The following CSMD1 variants were observed in gnomAD, a reference collection of about 807,000 sequenced individuals.
CSMD1 encodes the protein CUB and Sushi multiple domains 1, also known as CUB and sushi domain-containing protein 1.
In CSMD1, 213 loss-of-function variants were observed where a neutral mutation model predicts 417.5. That is an observed-to-expected ratio of 0.51 (90% CI 0.46 to 0.57). The LOEUF (loss-of-function observed/expected upper bound fraction) is 0.57, where lower values mean the gene tolerates loss of function less well. Among genes scored for constraint, CSMD1 ranks in the 20% least tolerant of loss-of-function variants. CSMD1 has a pLI of 0.00. For synonymous variants in CSMD1, 2,862 were observed against 1,736.8 expected, an observed-to-expected ratio of 1.65 and a Z score of -16.11; for missense variants, 6,923 against 4,529.7, an observed-to-expected ratio of 1.53 and a Z score of -15.17.
At chr8:4,886,841 T>C (rs1008254633) in intron 1 of CSMD1, among the ~76,000 whole-genome samples, 1 of 152,116 alleles carries the variant, frequency 6.6e-6, no homozygotes, top group Non-Finnish European at 1.5e-5. Flanking sequence ...TCTTCTGTCA[T>C]TTCAGATTTA....
intron 50 of CSMD1, among the ~76,000 whole-genome samples, chr8:3,046,711 C>A (rs1175135135): frequency 1.3e-5 from 2 of 152,172 alleles, no homozygotes; most frequent in Non-Finnish European, 2.9e-5. Context: ...TCCAGGCAGC[C>A]TTCCCCGCAG....
chr8:3,404,292 ACCACTGCACTC>A (rs1443985762), intron 15 of CSMD1, among the ~76,000 whole-genome samples: 3 of 150,594 alleles, frequency 2.0e-5, no homozygotes, highest in African/African-American at 7.4e-5. Flanking sequence ...CTGAGATTGC[ACCACTGCACTC>A]CAGCCTGGGT....
chr8:4,316,699 T>C (rs905574941), intron 3 of CSMD1, among the ~76,000 whole-genome samples: 2 of 152,090 alleles, frequency 1.3e-5, no homozygotes, highest in East Asian at 3.9e-4. Flanking sequence ...GCTTCCTTTA[T>C]GTGTTTCAAA....
intron 1 of CSMD1, among the ~76,000 whole-genome samples, chr8:4,761,075 A>T (rs369169065): frequency 6.6e-6 from 1 of 152,130 alleles, no homozygotes; most frequent in African/African-American, 2.4e-5. Context: ...TAGCAGAAGT[A>T]TGTGTTTGTT....
At chr8:3,306,031 T>C (rs150105750) in intron 25 of CSMD1, among the ~76,000 whole-genome samples, 2,071 of 152,204 alleles carry the variant, frequency 0.014, 28 homozygotes, top group South Asian at 0.052. Flanking sequence ...CCTAAGATGT[T>C]TGCATTCTAG....
At chr8:3,953,151 A>T (rs1200332305) in intron 5 of CSMD1, among the ~76,000 whole-genome samples, 1 of 149,566 alleles carries the variant, frequency 6.7e-6, no homozygotes, top group Non-Finnish European at 1.5e-5. Flanking sequence ...TACCATTTAT[A>T]AAAAAAAATC....
At chr8:3,340,268 C>T (rs139474449) in intron 23 of CSMD1, among the ~76,000 whole-genome samples, 17 of 152,256 alleles carry the variant, frequency 1.1e-4, no homozygotes, top group Admixed American at 7.8e-4. Flanking sequence ...GTAGAAGGAG[C>T]TATTTCCCAA....
chr8:4,073,922 T>A (rs533506662), intron 3 of CSMD1, among the ~76,000 whole-genome samples: 1 of 152,142 alleles, frequency 6.6e-6, no homozygotes, highest in Non-Finnish European at 1.5e-5. Context: ...TCTTAATCTA[T>A]ACAGACGGTT....
intron 2 of CSMD1, among the ~76,000 whole-genome samples, chr8:4,549,253 C>T (rs936525180): frequency 4.6e-5 from 7 of 151,964 alleles, no homozygotes; most frequent in Non-Finnish European, 8.8e-5. Flanking sequence ...TTCCAGAATG[C>T]CAAAGAAATT....
chr8:3,458,092 C>A (rs867265481), intron 12 of CSMD1, among the ~76,000 whole-genome samples: 4 of 152,206 alleles, frequency 2.6e-5, no homozygotes, highest in African/African-American at 7.2e-5. Flanking sequence ...TTTGCTCTAA[C>A]GTGAGCCCCG....
chr8:3,121,259 G>C (rs1172200926), intron 41 of CSMD1, among the ~76,000 whole-genome samples: 1 of 151,988 alleles, frequency 6.6e-6, no homozygotes, highest in East Asian at 1.9e-4. Flanking sequence ...ATAGTCAGCA[G>C]GTTAAAAAAA....
At chr8:3,503,234 T>A (rs2117353424) in intron 10 of CSMD1, among the ~76,000 whole-genome samples, 1 of 152,332 alleles carries the variant, frequency 6.6e-6, no homozygotes, top group South Asian at 2.1e-4. Flanking sequence ...ATGTCATTAA[T>A]TCTGGGATAT....
rs527626511 is a variant in CSMD1, at chr8:4,730,794, C to T, written c.86-93236G>A. 2.6e-4 allele frequency among the ~76,000 whole-genome samples: 39 copies of T among 151,624 alleles called. No homozygotes were observed. In the South Asian group the frequency reaches 7.8e-3, roughly 30 times the overall value. On this transcript the variant is annotated intron_variant, in intron 1 of 69. Transcript: ENST00000635120. ...AAGGAAATGAATAAATGAATAGAGA[C>T]GGAGAAGTTGCTGATTTTCTTGGTT...
chr8:4,064,310 G>A (rs763832398), intron 3 of CSMD1, among the ~76,000 whole-genome samples: 1 of 152,108 alleles, frequency 6.6e-6, no homozygotes, highest in African/African-American at 2.4e-5. Flanking sequence ...ATGTTCCTGG[G>A]CTCCATATGG....
At chr8:4,495,855 G>C (rs191693747) in intron 2 of CSMD1, among the ~76,000 whole-genome samples, 53 of 152,206 alleles carry the variant, frequency 3.5e-4, no homozygotes, top group African/African-American at 1.2e-3. Flanking sequence ...ATTAATGTAA[G>C]TGGATTTCAT....
intron 2 of CSMD1, among the ~76,000 whole-genome samples, chr8:4,561,722 G>C (rs1374347146): frequency 2.0e-5 from 3 of 152,106 alleles, no homozygotes; most frequent in Non-Finnish European, 4.4e-5. Flanking sequence ...GAAAGTAAAA[G>C]AAAAAGAGAA....
intron 1 of CSMD1, among the ~76,000 whole-genome samples, chr8:4,858,847 A>C (rs938505007): frequency 5.4e-5 from 8 of 148,792 alleles, no homozygotes; most frequent in African/African-American, 2.0e-4. Context: ...TGCCCAAGGT[A>C]ATTTACAGAT....
intron 1 of CSMD1, among the ~76,000 whole-genome samples, chr8:4,780,299 G>A (rs1029743729): frequency 2.0e-5 from 3 of 152,134 alleles, no homozygotes; most frequent in East Asian, 1.9e-4. Context: ...TCTGTATACT[G>A]CGCTATATAA....
chr8:2,963,329 C>T lies in CSMD1; in HGVS notation c.9347G>A (p.Gly3116Asp). ...CATGCAGCTGTAACTTATGCTGGAGCCCCAGCGGAAATCACTTCCCTCCAC... is the reference window on the plus strand; with the variant it reads ...CATGCAGCTGTAACTTATGCTGGAGTCCCAGCGGAAATCACTTCCCTCCAC... ...GTVEGSDFRW[G>D]SSISYSCMDG... The change falls in exon 60 of 70, where the codon GGC becomes GAC. Residue 3116 changes from glycine (G) to aspartate (D), a missense_variant. Coordinates refer to ENST00000635120, the MANE Select transcript of CSMD1 (RefSeq NM_033225.6). 1 of 1,613,942 alleles carries T rather than the reference C, an allele frequency of 6.2e-7. No individual in the cohort carries two copies. The highest frequency in any genetic ancestry group is 8.5e-7 in the Non-Finnish European group (1 of 1,179,868).
Sources: gnomAD v4.1 joint callset for allele counts (sites outside exome capture counted in the v4.1 genomes callset) on GRCh38, gnomAD v4.1.1 for gene constraint, MANE v1.5 for transcripts, NCBI Gene and HGNC (gene_info 2026-07-23, HGNC 2026-07-21) for gene names.